Variants in PCDHA8 observed in about 807,000 individuals in gnomAD.
The protein encoded by PCDHA8 is protocadherin alpha-8.
A neutral mutation model predicts 61.8 loss-of-function variants in PCDHA8; 53 were observed. That is an observed-to-expected ratio of 0.86 (90% confidence interval 0.69 to 1.08). The LOEUF (loss-of-function observed/expected upper bound fraction) is 1.08. Ranked by LOEUF, PCDHA8 falls within the 50% of genes least tolerant of loss-of-function variation. The probability of loss-of-function intolerance (pLI) is 0.00; values close to 1 mark genes in which losing one functional copy is unlikely to be tolerated. For missense variants in PCDHA8, 1,293 were observed against 1,245.0 expected (o/e 1.04, Z -0.58); for synonymous variants, 618 against 556.6 (o/e 1.11, Z -1.55).
At chr5:140,844,253 T>C (rs1269876279) in intron 1 of PCDHA8, among the ~76,000 whole-genome samples, 1 of 149,786 alleles carries the variant, frequency 6.7e-6, no homozygotes, top group Admixed American at 6.7e-5. Context: ...TTTTAAGCAG[T>C]GTAGTGATAA....
chr5:141,010,188 T>G lies in PCDHA8; in HGVS notation c.*251T>G. 6.4e-7 allele frequency: 1 copy of G among 1,553,070 alleles called. No individual in the cohort carries two copies. On this transcript the variant is annotated 3_prime_UTR_variant, in exon 4 of 4. Coordinates refer to ENST00000531613, the MANE Select transcript of PCDHA8 (RefSeq NM_018911.3). ...CAGAACCTAAAAAGCAGACCCAAGT[T>G]TCCTTTCTCCTCCGCCGCAAAGGAG...
At chr5:140,998,049 ACAT>A (rs782468760) in intron 3 of PCDHA8, among the ~76,000 whole-genome samples, 4 of 152,194 alleles carry the variant, frequency 2.6e-5, no homozygotes, top group Admixed American at 6.5e-5. Flanking sequence ...TAACTCAGTG[ACAT>A]CATCATCAAC....
At chr5:140,912,243 AATCTCCTTTGATGAC>A (rs2075829981) in intron 1 of PCDHA8, among the ~76,000 whole-genome samples, 1 of 152,012 alleles carries the variant, frequency 6.6e-6, no homozygotes, top group Admixed American at 6.6e-5. Context: ...CTCAAATGTT[AATCTCCTTTGATGAC>A]ACCCTCACAG....
intron 1 of PCDHA8, chr5:140,877,731 G>A (rs2153355415): frequency 1.2e-6 from 2 of 1,614,176 alleles, no homozygotes; most frequent in Non-Finnish European, 1.7e-6. Context: ...ACTCGCAGCA[G>A]AGGAGGCAGA....
chr5:141,009,330 G>A (rs1355837607), intron 3 of PCDHA8, among the ~76,000 whole-genome samples: 2 of 152,192 alleles, frequency 1.3e-5, no homozygotes, highest in African/African-American at 2.4e-5. Context: ...ATGGGAGCTT[G>A]TGCCTGTAGT....
chr5:140,978,506 C>T (rs914101151), intron 1 of PCDHA8, among the ~76,000 whole-genome samples: 22 of 152,244 alleles, frequency 1.4e-4, no homozygotes, highest in African/African-American at 4.1e-4. Context: ...GATTGCAGTC[C>T]TCTGCAGTCC....
chr5:140,982,300 G>A (rs2096976836), intron 2 of PCDHA8, 175 bp from the exon 3 acceptor site: 1 of 1,204,506 alleles, frequency 8.3e-7, no homozygotes, highest in South Asian at 1.7e-5. Flanking sequence ...AGTCAGCAAT[G>A]CTTCTGCAGT....
intron 1 of PCDHA8, chr5:140,851,314 C>G (rs1276562311): frequency 1.0e-6 from 1 of 997,874 alleles, no homozygotes; most frequent in Non-Finnish European, 1.2e-6. Context: ...CAATTGTTAC[C>G]TTGTTAAGTT....
At chr5:140,878,107 A>G in intron 1 of PCDHA8, 1 of 256,418 alleles carries the variant, frequency 3.9e-6, no homozygotes, top group Non-Finnish European at 7.2e-6. Context: ...AACCTTGAAA[A>G]AAACAGTATA....
intron 3 of PCDHA8, among the ~76,000 whole-genome samples, chr5:141,001,711 A>G (rs1167965864): frequency 1.3e-5 from 2 of 152,222 alleles, no homozygotes; most frequent in South Asian, 2.1e-4. Context: ...GGGGGCGGGG[A>G]AGGAGCTTGA....
At chr5:140,870,219 CG>C in intron 1 of PCDHA8, 1 of 1,614,152 alleles carries the variant, frequency 6.2e-7, no homozygotes. Flanking sequence ...CCCTGATCAG[CG>C]TGTCTGACCG....
intron 1 of PCDHA8, among the ~76,000 whole-genome samples, chr5:140,952,946 G>A (rs2094822679): frequency 6.6e-6 from 1 of 152,070 alleles, no homozygotes; most frequent in African/African-American, 2.4e-5. Flanking sequence ...AAGAGAGAGA[G>A]AAGGGGGAAG....
Position 140,843,565 on chromosome 5 carries a change from G to A in PCDHA8, c.2244G>A (p.Trp748Ter), listed in dbSNP as rs2150362787. Residue 748 changes from tryptophan (W) to a stop codon, truncating the protein, a stop_gained, in exon 1 of 4, where the codon TGG (tryptophan) becomes TGA (stop). Coordinates refer to ENST00000531613, the MANE Select transcript of PCDHA8 (RefSeq NM_018911.3). LOFTEE classifies it high-confidence loss of function. Reference sequence around the variant, plus strand: ...TGTGCTCCAGTGCGGTGGGGAGCTGGTCATACTCGCAACAACAGCCGCAGA... The same window carrying A: ...TGTGCTCCAGTGCGGTGGGGAGCTGATCATACTCGCAACAACAGCCGCAGA... ...TLVCSSAVGS[W>*]SYSQQQPQRV... The A allele has an allele frequency of 6.3e-7, 1 of 1,595,918 alleles. No individual in the cohort carries two copies. The highest frequency in any genetic ancestry group is 1.7e-5 in the Admixed American group (1 of 59,308).
intron 1 of PCDHA8, among the ~76,000 whole-genome samples, chr5:140,844,278 G>A (rs1324463534): frequency 6.7e-6 from 1 of 149,048 alleles, no homozygotes; most frequent in Non-Finnish European, 1.5e-5. Context: ...CAGAATGATA[G>A]TGTTTTTCAA....
chr5:140,867,157 C>T (rs1194187128), intron 1 of PCDHA8: 2 of 152,166 alleles, frequency 1.3e-5, no homozygotes, highest in East Asian at 3.9e-4. Context: ...CCAGAGTAAA[C>T]CTTCTAAGGT....
intron 3 of PCDHA8, among the ~76,000 whole-genome samples, chr5:141,006,466 G>T (rs2153987717): frequency 6.6e-6 from 1 of 152,178 alleles, no homozygotes; most frequent in South Asian, 2.1e-4. Context: ...GCCTGTCTCG[G>T]CCTCCCAAAG....
intron 1 of PCDHA8, among the ~76,000 whole-genome samples, chr5:140,935,180 T>C (rs781934014): frequency 3.9e-5 from 6 of 152,214 alleles, no homozygotes; most frequent in Non-Finnish European, 7.3e-5. Flanking sequence ...TTATTGCTGC[T>C]GGGTCAGTTG....
At chr5:140,856,964 G>A in intron 1 of PCDHA8, 1 of 1,590,750 alleles carries the variant, frequency 6.3e-7, no homozygotes, top group Non-Finnish European at 8.6e-7. Flanking sequence ...AGTAAATGAT[G>A]CTATTGACTT....
At chr5:140,991,214 A>G (rs922136535) in intron 3 of PCDHA8, among the ~76,000 whole-genome samples, 4 of 152,202 alleles carry the variant, frequency 2.6e-5, no homozygotes, top group Non-Finnish European at 4.4e-5. Context: ...AATTTTGTTA[A>G]ATTCATTAAT....
Sources: allele counts gnomAD v4.1 joint callset (sites outside exome capture counted in the v4.1 genomes callset), GRCh38; gene constraint gnomAD v4.1.1; transcripts MANE v1.5; gene names NCBI Gene and HGNC (gene_info 2026-07-23, HGNC 2026-07-21).